Variants in CDKL4 observed in about 807,000 individuals in gnomAD.
CDKL4 encodes the protein cyclin dependent kinase like 4, also known as cyclin-dependent kinase-like 4.
Under a neutral mutation model 42.0 loss-of-function variants are expected in CDKL4, and 44 were observed. The ratio of observed to expected loss-of-function variants is 1.05; its 90% confidence interval spans 0.82 to 1.35. The LOEUF is 1.35. Among genes scored for constraint, CDKL4 ranks in the 40% most tolerant of loss-of-function variants. CDKL4 has a pLI of 0.00. For missense variants in CDKL4, 393 were observed against 369.9 expected, an observed-to-expected ratio of 1.06 and a Z score of -0.51; for synonymous variants, 120 against 121.6, an observed-to-expected ratio of 0.99 and a Z score of 0.09.
At chr2:39,220,662 A>T (rs1234589728) in intron 3 of CDKL4, among the ~76,000 whole-genome samples, 6 of 151,862 alleles carry the variant, frequency 4.0e-5, no homozygotes, top group Non-Finnish European at 5.9e-5. Context: ...GTCTGGGCTC[A>T]CTGCAACCTC....
intron 2 of CDKL4, among the ~76,000 whole-genome samples, chr2:39,227,804 G>C (rs183290253): frequency 6.6e-6 from 1 of 152,212 alleles, no homozygotes; most frequent in Non-Finnish European, 1.5e-5. Context: ...CCAATCTCCT[G>C]TCTTTGGGTA....
intron 4 of CDKL4, among the ~76,000 whole-genome samples, chr2:39,204,867 CTT>C (rs879528689): frequency 2.8e-5 from 4 of 142,926 alleles, no homozygotes; most frequent in Admixed American, 7.0e-5. Context: ...TAAAAACTGT[CTT>C]TTTTTTTTTT....
intron 2 of CDKL4, among the ~76,000 whole-genome samples, chr2:39,226,828 G>A (rs1247197822): frequency 4.6e-5 from 7 of 150,942 alleles, no homozygotes; most frequent in Admixed American, 4.0e-4. Context: ...GTGCAGTGGC[G>A]CCATCTCGGC....
At chr2:39,218,299 G>C (rs60130455) in intron 3 of CDKL4, among the ~76,000 whole-genome samples, 1 of 151,978 alleles carries the variant, frequency 6.6e-6, no homozygotes, top group Non-Finnish European at 1.5e-5. Flanking sequence ...ACAGGAGTTT[G>C]AGACCAGCCT....
chr2:39,236,522 C>T (rs936427669), intron 1 of CDKL4, among the ~76,000 whole-genome samples: 4 of 152,052 alleles, frequency 2.6e-5, no homozygotes, highest in African/African-American at 9.7e-5. Context: ...AGCCAAACTC[C>T]TGAAAGCTAA....
At chr2:39,233,451 ACATTTGG>A (rs1385636930) in intron 1 of CDKL4, among the ~76,000 whole-genome samples, 3 of 152,212 alleles carry the variant, frequency 2.0e-5, no homozygotes, top group Non-Finnish European at 2.9e-5. Flanking sequence ...CGAGAAGGAT[ACATTTGG>A]CATCTTGCAA....
At chr2:39,173,883 T>G (rs185959047), downstream of CDKL4, among the ~76,000 whole-genome samples, 1 of 149,416 alleles carries the variant, frequency 6.7e-6, no homozygotes, top group Admixed American at 6.6e-5. Flanking sequence ...CTTGAGAGAC[T>G]GAGGCAGGAG....
At chr2:39,229,839 G>C (rs1678987034) in intron 1 of CDKL4, among the ~76,000 whole-genome samples, 1 of 152,130 alleles carries the variant, frequency 6.6e-6, no homozygotes, top group African/African-American at 2.4e-5. Context: ...AAGAATTTGT[G>C]GAAAGGAAAC....
At chr2:39,215,358 C>T (rs1251700524) in intron 3 of CDKL4, among the ~76,000 whole-genome samples, 6 of 152,068 alleles carry the variant, frequency 3.9e-5, no homozygotes, top group African/African-American at 1.4e-4. Context: ...TATTGATTTA[C>T]AAAGACTCAA....
intron 9 of CDKL4, chr2:39,178,936 G>C (rs1675282663): frequency 6.9e-7 from 1 of 1,446,766 alleles, no homozygotes; most frequent in Non-Finnish European, 9.1e-7. Flanking sequence ...TATCCAATCA[G>C]AGCAGCCAAA....
chr2:39,243,874 A>T (rs1434966155), exon 1 of CDKL4, among the ~76,000 whole-genome samples: 1 of 152,230 alleles, frequency 6.6e-6, no homozygotes, highest in East Asian at 1.9e-4. Context: ...CACTTACTGC[A>T]CCCACAGGGC....
exon 9 of CDKL4, chr2:39,179,241 C>T: frequency 1.2e-6 from 2 of 1,613,476 alleles, no homozygotes; most frequent in South Asian, 1.1e-5. Context: ...TAATTTGGGC[C>T]TCTTGAAAAG....
chr2:39,229,496 C>A lies in CDKL4; in HGVS notation c.37G>T (p.Gly13Trp), dbSNP rs750463961. 4 of 1,608,164 alleles carry A rather than the reference C, an allele frequency of 2.5e-6. No homozygotes were observed. The South Asian group carries it at 4.5e-5, about 18-fold the overall frequency. The change falls in exon 2 of 10, where the codon GGG becomes TGG. Residue 13 changes from glycine (G) to tryptophan (W), a missense_variant. Physicochemically the swap from Gly to Trp is radical, Grantham distance 184. Coordinates refer to ENST00000451199, the Ensembl canonical transcript of CDKL4. The stretch of plus-strand genomic sequence containing the variant: ...CATTTGAATACAACCCCATAAGACC[C>A]TTCTCCAGTCTTAGCTAATTTTTCA...
rs540180435 is a variant in CDKL4, at chr2:39,205,692, A to G, written c.364-1075T>C. ...GGAGAATGGCGGGAACCCGGGAGGCAGAGCTTGCGGTGAGCCAAGATGGTG... is the reference window on the plus strand; with the variant it reads ...GGAGAATGGCGGGAACCCGGGAGGCGGAGCTTGCGGTGAGCCAAGATGGTG... On this transcript the variant is annotated intron_variant, in intron 4 of 9. Transcript: ENST00000451199. 2.0e-3 allele frequency among the ~76,000 whole-genome samples: 284 copies of G among 143,070 alleles called. 2 individuals carry two copies. The East Asian group carries it at 0.04, about 20-fold the overall frequency. 93.9% of individuals were successfully genotyped at this position (143,070 alleles called of 152,430 possible). A position where few individuals can be genotyped will look rare whatever the true frequency, so the allele number is the denominator to read the frequency against.
At chr2:39,246,100 T>C (rs898542717), upstream of CDKL4, among the ~76,000 whole-genome samples, 7 of 152,216 alleles carry the variant, frequency 4.6e-5, no homozygotes, top group African/African-American at 1.7e-4. Flanking sequence ...ATTAGCAAAA[T>C]GCTCCCCGTG....
At chr2:39,207,568 A>T (rs185934373) in intron 4 of CDKL4, among the ~76,000 whole-genome samples, 5 of 152,316 alleles carry the variant, frequency 3.3e-5, no homozygotes, top group African/African-American at 7.2e-5. Context: ...TCTAGACTAT[A>T]TGTGTAGCAT....
chr2:39,179,280 G>T, exon 9 of CDKL4: 14 of 1,611,542 alleles, frequency 8.7e-6, no homozygotes, highest in Non-Finnish European at 1.2e-5. Context: ...CCAGGAGTTG[G>T]GAACAGGTTA....
chr2:39,184,041 C>A (rs1172334483), intron 8 of CDKL4, among the ~76,000 whole-genome samples: 1 of 152,134 alleles, frequency 6.6e-6, no homozygotes, highest in African/African-American at 2.4e-5. Flanking sequence ...ATGAAAATTC[C>A]CCTTCTGAAT....
intron 2 of CDKL4, among the ~76,000 whole-genome samples, chr2:39,228,154 ACTT>A (rs1467720385): frequency 1.3e-5 from 2 of 152,180 alleles, no homozygotes; most frequent in African/African-American, 4.8e-5. Context: ...TTATCTGAAG[ACTT>A]GGGACGGAGA....
Sources: gnomAD v4.1 joint callset for allele counts (sites outside exome capture counted in the v4.1 genomes callset) on GRCh38, gnomAD v4.1.1 for gene constraint, MANE v1.5 for transcripts, NCBI Gene and HGNC (gene_info 2026-07-23, HGNC 2026-07-21) for gene names.